GTF2A1L: variants seen among roughly 807,000 people sequenced by gnomAD.
GTF2A1L encodes the protein TFIIA-alpha and beta-like factor.
GTF2A1L carries 48 observed loss-of-function variants against 49.7 expected under a neutral mutation model. The ratio of observed to expected loss-of-function variants is 0.97; its 90% CI spans 0.77 to 1.23. The LOEUF is 1.23. Ranked by LOEUF, GTF2A1L falls within the 50% of genes most tolerant of loss-of-function variation. GTF2A1L has a pLI of 0.00. For synonymous variants in GTF2A1L, 246 were observed against 193.5 expected, an observed-to-expected ratio of 1.27 and a Z score of -2.25; for missense variants, 736 against 564.8, an observed-to-expected ratio of 1.30 and a Z score of -3.07.
In GTF2A1L at chr2:48,626,636, A is replaced by G. The variant is rs1042162002; in HGVS notation, c.247+5346A>G. Reference sequence around the variant, plus strand: ...CATCCAGGCTGGAGTGCAGTGGCACAACCTTGGCTCACTGCAGCCTCCACC... The same window carrying G: ...CATCCAGGCTGGAGTGCAGTGGCACGACCTTGGCTCACTGCAGCCTCCACC... On this transcript the variant is annotated intron_variant, in intron 3 of 8. Transcript: ENST00000403751. 2.8e-5 allele frequency among the ~76,000 whole-genome samples: 4 copies of G among 143,616 alleles called. 2 individuals are homozygous for G. Among genetic ancestry groups the G allele is most frequent in the Non-Finnish European group, 6.3e-5 (4 of 63,798 alleles). The allele number at this position is 143,616 out of a possible 152,430, so 94.2% of individuals were successfully genotyped here. A position where few individuals can be genotyped will look rare whatever the true frequency, so the allele number is the denominator to read the frequency against.
At chr2:48,648,837 A>G (rs1308749916) in intron 6 of GTF2A1L, among the ~76,000 whole-genome samples, 2 of 152,170 alleles carry the variant, frequency 1.3e-5, no homozygotes, top group East Asian at 1.9e-4. Context: ...GTACAAGAGT[A>G]TATGTAAAAT....
At chr2:48,660,502 T>C (rs1326339696) in intron 6 of GTF2A1L, among the ~76,000 whole-genome samples, 1 of 152,140 alleles carries the variant, frequency 6.6e-6, no homozygotes, top group East Asian at 1.9e-4. Context: ...TCAGTCTAGA[T>C]TGCGTATTTC....
At chr2:48,634,279 T>C (rs1008173035) in intron 3 of GTF2A1L, among the ~76,000 whole-genome samples, 4 of 152,072 alleles carry the variant, frequency 2.6e-5, no homozygotes, top group African/African-American at 9.7e-5. Flanking sequence ...GCCTGGCTAA[T>C]TTTTGTATTT....
At chr2:48,657,320 A>G (rs1414740382) in intron 6 of GTF2A1L, among the ~76,000 whole-genome samples, 1 of 152,044 alleles carries the variant, frequency 6.6e-6, no homozygotes, top group Non-Finnish European at 1.5e-5. Flanking sequence ...TATGTGCCCA[A>G]TATTTAGCTC....
chr2:48,622,671 C>G (rs546645763), intron 3 of GTF2A1L, among the ~76,000 whole-genome samples: 34 of 151,858 alleles, frequency 2.2e-4, no homozygotes, highest in African/African-American at 8.2e-4. Context: ...AAAACAAAAA[C>G]AAAAGCACAA....
chr2:48,656,352 T>TG, intron 6 of GTF2A1L, among the ~76,000 whole-genome samples: 1 of 133,342 alleles, frequency 7.5e-6, no homozygotes, highest in African/African-American at 3.6e-5. Context: ...TTTTCTGTTT[T>TG]TTTTTTTTTT....
chr2:48,626,262 A>C (rs1676286817), intron 3 of GTF2A1L, among the ~76,000 whole-genome samples: 1 of 143,476 alleles, frequency 7.0e-6, no homozygotes, highest in Non-Finnish European at 1.6e-5. Context: ...TACTGTTTTG[A>C]TTACTACAGG....
chr2:48,632,378 T>A (rs1327302574), intron 3 of GTF2A1L: 1 of 151,940 alleles, frequency 6.6e-6, no homozygotes, highest in Admixed American at 6.6e-5. Context: ...ACAACCTACT[T>A]GACAAGTTTT....
At chr2:48,623,356 C>T (rs1359121640) in intron 3 of GTF2A1L, among the ~76,000 whole-genome samples, 1 of 152,226 alleles carries the variant, frequency 6.6e-6, no homozygotes, top group South Asian at 2.1e-4. Context: ...AACTTGTTTG[C>T]TCAGTCAAAA....
At chr2:48,648,730 A>G (rs1320881205) in intron 6 of GTF2A1L, among the ~76,000 whole-genome samples, 2 of 152,144 alleles carry the variant, frequency 1.3e-5, no homozygotes, top group African/African-American at 4.8e-5. Context: ...GATTAGTGCT[A>G]TTATGCTCTA....
At chr2:48,636,023 C>T (rs1437392209) in intron 3 of GTF2A1L, among the ~76,000 whole-genome samples, 1 of 152,198 alleles carries the variant, frequency 6.6e-6, no homozygotes, top group African/African-American at 2.4e-5. Context: ...TTACTTTTAT[C>T]AGCCAAATGC....
At chr2:48,667,202 G>T (rs77821000) in intron 6 of GTF2A1L, among the ~76,000 whole-genome samples, 4,210 of 151,040 alleles carry the variant, frequency 0.028, 183 homozygotes, top group African/African-American at 0.095. Flanking sequence ...CAAGCAATCT[G>T]CCAGCTTCAG....
At chr2:48,649,392 A>G (rs1677720284) in intron 6 of GTF2A1L, among the ~76,000 whole-genome samples, 1 of 152,078 alleles carries the variant, frequency 6.6e-6, no homozygotes, top group Non-Finnish European at 1.5e-5. Flanking sequence ...GGATAATTTT[A>G]TCTAACTAAT....
At chr2:48,669,217 T>G (rs1335671227) in intron 6 of GTF2A1L, among the ~76,000 whole-genome samples, 1 of 152,200 alleles carries the variant, frequency 6.6e-6, no homozygotes, top group South Asian at 2.1e-4. Flanking sequence ...TAACCTCGAT[T>G]TTACTTTCTG....
chr2:48,666,237 G>C (rs1678833126), intron 6 of GTF2A1L, among the ~76,000 whole-genome samples: 1 of 149,388 alleles, frequency 6.7e-6, no homozygotes, highest in Non-Finnish European at 1.5e-5. Context: ...ATGGTGTCTC[G>C]CTCTGTCACC....
rs1430573114 is a variant in GTF2A1L at position 48,627,542 on chromosome 2, A to G, written c.247+6252A>G. ...TTTTCCAAAATTAAATTTTTGCTTG[A>G]AAAGTTGAGTTTTATCATTGGCAAA... is the stretch of plus-strand genomic sequence containing the variant. On this transcript the variant is annotated intron_variant, in intron 3 of 8. Transcript: ENST00000403751. Among the ~76,000 whole-genome samples, 2 of 143,664 alleles carry G rather than the reference A, an allele frequency of 1.4e-5. 1 individual carries two copies. The highest frequency in any genetic ancestry group is 3.9e-4 in the East Asian group (2 of 5,128). 94.2% of individuals were successfully genotyped at this position (143,664 alleles called of 152,430 possible). A position where few individuals can be genotyped will look rare whatever the true frequency, so the allele number is the denominator to read the frequency against.
Position 48,624,089 on chromosome 2 carries a change from C to T in GTF2A1L, c.247+2799C>T, listed in dbSNP as rs747389270. On this transcript the variant is annotated intron_variant, in intron 3 of 8. Coordinates refer to ENST00000403751, the MANE Select transcript of GTF2A1L (RefSeq NM_006872.5). ...CTTGTTTGCTCTATCATATGTTCTT[C>T]GTTTTTTATTTGTGTAGTAATTTCC... Among the ~76,000 whole-genome samples the T allele has an allele frequency of 1.3e-4, 14 of 104,634 alleles. 2 individuals carry two copies. The highest frequency in any genetic ancestry group is 4.9e-4 in the Admixed American group (5 of 10,170). The allele number at this position is 104,634 out of a possible 152,430, so 68.6% of individuals were successfully genotyped here.
At chr2:48,662,288 A>G (rs973408591) in intron 6 of GTF2A1L, among the ~76,000 whole-genome samples, 1 of 152,250 alleles carries the variant, frequency 6.6e-6, no homozygotes, top group Non-Finnish European at 1.5e-5. Context: ...AAAATCAATT[A>G]TAAACTAAAA....
intron 3 of GTF2A1L, among the ~76,000 whole-genome samples, chr2:48,637,199 T>A (rs898916971): frequency 6.6e-6 from 1 of 152,220 alleles, no homozygotes; most frequent in African/African-American, 2.4e-5. Flanking sequence ...TCCTGAATCA[T>A]GTAATTTTAT....
Sources: allele counts gnomAD v4.1 joint callset (sites outside exome capture counted in the v4.1 genomes callset), GRCh38; gene constraint gnomAD v4.1.1; transcripts MANE v1.5; gene names NCBI Gene and HGNC (gene_info 2026-07-23, HGNC 2026-07-21).